The following ZZZ3 variants were observed in gnomAD, a reference collection of about 807,000 sequenced individuals.
ZZZ3 encodes the protein ZZ-type zinc finger-containing protein 3.
A neutral mutation model predicts 95.2 loss-of-function variants in ZZZ3; 22 were observed. The observed-to-expected ratio is 0.23, with a 90% CI of 0.17 to 0.33. The LOEUF is 0.33. Among genes scored for constraint, ZZZ3 ranks in the 10% least tolerant of loss-of-function variants. The probability of loss-of-function intolerance (pLI) is 1.00; values close to 1 mark genes in which losing one functional copy is unlikely to be tolerated. For synonymous variants in ZZZ3, 335 were observed against 358.9 expected (o/e 0.93, Z 0.75); for missense variants, 885 against 1,066.5 (o/e 0.83, Z 2.37).
rs74875028 is a variant in ZZZ3 at position 77,664,712 on chromosome 1, T to C, written c.-403+17873A>G. ...GACATTTTATAAGCACAACTGTACA[T>C]TTATTCAAAACATTAATGAAAATAT... is the stretch of plus-strand genomic sequence containing the variant. On this transcript the variant is annotated intron_variant, in intron 1 of 14. Coordinates refer to ENST00000370801, the MANE Select transcript of ZZZ3 (RefSeq NM_015534.6). 1.4e-3 allele frequency among the ~76,000 whole-genome samples: 212 copies of C among 152,336 alleles called. 4 individuals carry two copies. The East Asian group carries it at 0.033, about 24-fold the overall frequency.
chr1:77,583,028 C>T (rs1189847193), intron 6 of ZZZ3, among the ~76,000 whole-genome samples: 1 of 151,934 alleles, frequency 6.6e-6, no homozygotes, highest in Non-Finnish European at 1.5e-5. Context: ...TCTGTTGAAC[C>T]TGGGAGGCGG....
intron 5 of ZZZ3, among the ~76,000 whole-genome samples, chr1:77,596,008 G>A (rs1446548159): frequency 1.3e-5 from 2 of 152,032 alleles, no homozygotes; most frequent in Admixed American, 6.6e-5. Flanking sequence ...AATTTCTGGG[G>A]AGGAATTTGA....
intron 6 of ZZZ3, 41 bp downstream of exon 6, chr1:77,584,475 CA>C (rs1454279347): frequency 6.4e-7 from 1 of 1,560,128 alleles, no homozygotes. Context: ...AAGCTATTCC[CA>C]AATAGATCTT....
intron 1 of ZZZ3, among the ~76,000 whole-genome samples, chr1:77,671,802 T>C (rs184938018): frequency 2.0e-5 from 3 of 152,170 alleles, no homozygotes; most frequent in Admixed American, 6.6e-5. Flanking sequence ...AAACCACCTA[T>C]GAATCTAGTT....
intron 1 of ZZZ3, among the ~76,000 whole-genome samples, chr1:77,663,658 C>T (rs529821853): frequency 1.4e-4 from 21 of 152,204 alleles, no homozygotes; most frequent in African/African-American, 5.1e-4. Context: ...CAGCCTGGTA[C>T]TTCATTTGTT....
chr1:77,646,393 G>GT (rs1429561073), intron 1 of ZZZ3, among the ~76,000 whole-genome samples: 1 of 151,816 alleles, frequency 6.6e-6, no homozygotes, highest in Non-Finnish European at 1.5e-5. Flanking sequence ...GCTAATTTTT[G>GT]TATTTTTTGT....
At chr1:77,609,349 A>G (rs1486154947) in intron 5 of ZZZ3, among the ~76,000 whole-genome samples, 1 of 152,154 alleles carries the variant, frequency 6.6e-6, no homozygotes, top group East Asian at 1.9e-4. Context: ...TCAATTAGAA[A>G]TATATATGCA....
At chr1:77,618,028 C>T (rs369677676) in intron 5 of ZZZ3, among the ~76,000 whole-genome samples, 19 of 152,154 alleles carry the variant, frequency 1.2e-4, no homozygotes, top group African/African-American at 4.6e-4. Context: ...AAACTGTTAT[C>T]CACAGTGGGT....
At chr1:77,576,367 G>A in intron 11 of ZZZ3, 147 bp from the exon 12 acceptor site, 1 of 646,536 alleles carries the variant, frequency 1.5e-6, no homozygotes, top group Non-Finnish European at 2.3e-6. Flanking sequence ...TGCTTTTTCT[G>A]TTTTCTGCGT....
rs141973419 is a variant in ZZZ3 at position 77,665,941 on chromosome 1, T to C, written c.-403+16644A>G. Among the ~76,000 whole-genome samples, 876 of 152,246 alleles carry C rather than the reference T, an allele frequency of 5.8e-3. 9 individuals are homozygous for C. Among genetic ancestry groups the C allele is most frequent in the African/African-American group, 0.02 (838 of 41,562 alleles). The stretch of plus-strand genomic sequence containing the variant: ...CTGTAATCTCCGCTACTCAAGAGGC[T>C]GAGGCAGGAGAATCGCTTGAACCCA... On this transcript the variant is annotated intron_variant, in intron 1 of 14. Coordinates refer to ENST00000370801, the MANE Select transcript of ZZZ3 (RefSeq NM_015534.6).
chr1:77,629,402 G>A (rs369384005), intron 5 of ZZZ3, among the ~76,000 whole-genome samples: 3 of 152,134 alleles, frequency 2.0e-5, no homozygotes, highest in Non-Finnish European at 4.4e-5. Context: ...CAGATCGCTC[G>A]AACCCAGGAG....
At chr1:77,611,346 A>C (rs912724242) in intron 5 of ZZZ3, among the ~76,000 whole-genome samples, 1 of 151,798 alleles carries the variant, frequency 6.6e-6, no homozygotes, top group Non-Finnish European at 1.5e-5. Flanking sequence ...TACTGATGAA[A>C]GCAACTCAGG....
At chr1:77,670,426 A>C (rs980497332) in intron 1 of ZZZ3, among the ~76,000 whole-genome samples, 1 of 151,914 alleles carries the variant, frequency 6.6e-6, no homozygotes, top group African/African-American at 2.4e-5. Flanking sequence ...ATGCCTGGCT[A>C]ATTTTTTGTT....
At chr1:77,633,783 G>C (rs1042922572) in intron 4 of ZZZ3, among the ~76,000 whole-genome samples, 3 of 152,198 alleles carry the variant, frequency 2.0e-5, no homozygotes, top group African/African-American at 7.2e-5. Flanking sequence ...CAGGGCTCTA[G>C]AGACCATAAC....
intron 1 of ZZZ3, among the ~76,000 whole-genome samples, chr1:77,646,114 A>G (rs1433618599): frequency 1.3e-5 from 2 of 152,164 alleles, no homozygotes; most frequent in Non-Finnish European, 2.9e-5. Context: ...CCTCCTAAAT[A>G]TTTCTCAAAT....
intron 11 of ZZZ3, 47 bp downstream of exon 11, chr1:77,578,727 C>T (rs1395365072): frequency 1.8e-6 from 2 of 1,131,558 alleles, no homozygotes; most frequent in Non-Finnish European, 1.2e-6. Flanking sequence ...GCAATTCTTA[C>T]TTTAATAAAT....
At chr1:77,575,926 C>T (rs754411512) in intron 12 of ZZZ3, 142 bp downstream of exon 12, 67 of 608,286 alleles carry the variant, frequency 1.1e-4, no homozygotes, top group Non-Finnish European at 1.6e-4. Flanking sequence ...AAATTTTCCT[C>T]ACAAAAGTAC....
chr1:77,669,509 T>A (rs986750825), intron 1 of ZZZ3, among the ~76,000 whole-genome samples: 1 of 145,448 alleles, frequency 6.9e-6, no homozygotes, highest in Non-Finnish European at 1.5e-5. Flanking sequence ...CAGGCTGGAG[T>A]GAACAGGCGC....
intron 3 of ZZZ3, 152 bp downstream of exon 3, chr1:77,641,232 T>C: frequency 4.1e-6 from 1 of 244,132 alleles, no homozygotes; most frequent in Non-Finnish European, 7.8e-6. Context: ...TCTCTGAGCA[T>C]ACTGGAATGT....
Sources: gnomAD v4.1 joint callset for allele counts (sites outside exome capture counted in the v4.1 genomes callset) on GRCh38, gnomAD v4.1.1 for gene constraint, MANE v1.5 for transcripts, NCBI Gene and HGNC (gene_info 2026-07-23, HGNC 2026-07-21) for gene names.